ADK: variants seen among roughly 807,000 people sequenced by gnomAD.
The protein encoded by ADK is adenosine kinase.
A neutral mutation model predicts 44.7 loss-of-function variants in ADK; 24 were observed. That is an observed-to-expected ratio of 0.54 (90% CI 0.39 to 0.76). ADK has a LOEUF of 0.76. ADK is among the 30% of genes least tolerant of loss of function. The pLI is 0.00. For synonymous variants in ADK, 128 were observed against 142.6 expected, an observed-to-expected ratio of 0.90 and a Z score of 0.73; for missense variants, 321 against 425.1, an observed-to-expected ratio of 0.76 and a Z score of 2.15.
intron 8 of ADK, among the ~76,000 whole-genome samples, chr10:74,598,441 CTTTTTTTTTTTTTTT>C (rs915433699): frequency 1.8e-5 from 2 of 111,786 alleles, no homozygotes; most frequent in African/African-American, 3.7e-5. Context: ...AATCTTATTC[CTTTTTTTTTTTTTTT>C]TTTTTTTTTT....
chr10:74,225,108 A>G (rs2132246612), intron 3 of ADK, among the ~76,000 whole-genome samples: 1 of 152,300 alleles, frequency 6.6e-6, no homozygotes, highest in East Asian at 1.9e-4. Context: ...TTTTTGAAAC[A>G]GAGTCTTGTT....
chr10:74,315,209 C>T (rs913960835), intron 4 of ADK, among the ~76,000 whole-genome samples: 1 of 151,998 alleles, frequency 6.6e-6, no homozygotes, highest in Admixed American at 6.5e-5. Context: ...GTCCCCCTTA[C>T]GAAGGACGTT....
In ADK at chr10:74,525,393, G is replaced by A; in HGVS notation, c.693G>A (p.Met231Ile). 2 of 1,613,298 alleles carry A rather than the reference G, an allele frequency of 1.2e-6. No individual in the cohort carries two copies. The highest frequency in any genetic ancestry group is 1.1e-5 in the South Asian group (1 of 91,070). ...QFYKESLMKV[M>I]PYVDILFGNE... Reference sequence around the variant, plus strand: ...ACAAGGAATCATTGATGAAAGTTATGCCTTATGTTGATATACTTTTTGGAA... The same window carrying A: ...ACAAGGAATCATTGATGAAAGTTATACCTTATGTTGATATACTTTTTGGAA... The change falls in exon 7 of 11, where the codon ATG (methionine) becomes ATA (isoleucine). Residue 231 changes from methionine to isoleucine, a missense_variant. Physicochemically the swap from Met to Ile is conservative, Grantham distance 10 (BLOSUM62 1). Transcript: ENST00000539909.
intron 10 of ADK, among the ~76,000 whole-genome samples, chr10:74,681,630 G>A (rs570264835): frequency 7.5e-6 from 1 of 132,760 alleles, no homozygotes; most frequent in African/African-American, 2.8e-5. Flanking sequence ...CAAATCACTT[G>A]AGGTCAGGAG....
At chr10:74,548,860 T>C (rs1247712359) in intron 7 of ADK, among the ~76,000 whole-genome samples, 1 of 152,194 alleles carries the variant, frequency 6.6e-6, no homozygotes. Context: ...GGGACAAAGA[T>C]TACCTGTTGT....
intron 3 of ADK, among the ~76,000 whole-genome samples, chr10:74,227,502 C>A (rs112287450): frequency 0.032 from 4,856 of 152,060 alleles, 277 homozygotes; most frequent in African/African-American, 0.11. Context: ...TTGAGGCCAG[C>A]AGTACAAGAC....
intron 6 of ADK, among the ~76,000 whole-genome samples, chr10:74,451,734 G>A (rs1433808730): frequency 6.6e-6 from 1 of 151,930 alleles, no homozygotes; most frequent in Non-Finnish European, 1.5e-5. Context: ...GGCATAAATG[G>A]ATGTAATTCA....
At chr10:74,603,582 G>A (rs906115979) in intron 9 of ADK, among the ~76,000 whole-genome samples, 7 of 152,114 alleles carry the variant, frequency 4.6e-5, no homozygotes, top group South Asian at 2.1e-4. Flanking sequence ...TGCAAAGGAC[G>A]TGAATTCATC....
chr10:74,576,014 G>A (rs1401721351), intron 7 of ADK, among the ~76,000 whole-genome samples: 1 of 152,074 alleles, frequency 6.6e-6, no homozygotes, highest in Admixed American at 6.5e-5. Flanking sequence ...AAAGGACACA[G>A]AAAGTGAGGC....
chr10:74,693,600 A>ATT (rs386371839), intron 10 of ADK, among the ~76,000 whole-genome samples: 2 of 151,670 alleles, frequency 1.3e-5, no homozygotes, highest in African/African-American at 4.8e-5. Context: ...TGAGGGAAGT[A>ATT]TTAGTCCTTG....
intron 3 of ADK, among the ~76,000 whole-genome samples, chr10:74,274,732 G>GTGTATATATATA (rs1554836801): frequency 0.017 from 1,452 of 84,176 alleles, 81 homozygotes; most frequent in African/African-American, 0.047. Flanking sequence ...TTTAATGTGT[G>GTGTATATATATA]TATATATATA....
At chr10:74,267,735 T>C (rs1021884365) in intron 3 of ADK, among the ~76,000 whole-genome samples, 1 of 146,350 alleles carries the variant, frequency 6.8e-6, no homozygotes, top group African/African-American at 2.5e-5. Flanking sequence ...TGCCATCAGC[T>C]ATTGGCTTAT....
chr10:74,449,000 C>T (rs1845681202), intron 6 of ADK, among the ~76,000 whole-genome samples: 1 of 152,010 alleles, frequency 6.6e-6, no homozygotes, highest in South Asian at 2.1e-4. Flanking sequence ...CAGAAACAGA[C>T]CCATTAGGGA....
chr10:74,526,072 A>G (rs1849027537), intron 7 of ADK, among the ~76,000 whole-genome samples: 1 of 152,162 alleles, frequency 6.6e-6, no homozygotes, highest in South Asian at 2.1e-4. Context: ...CTATGACCAC[A>G]ATCAGGATAA....
intron 6 of ADK, among the ~76,000 whole-genome samples, chr10:74,479,292 G>C (rs1846976953): frequency 6.6e-6 from 1 of 151,956 alleles, no homozygotes; most frequent in Non-Finnish European, 1.5e-5. Context: ...ATCGTGCCCA[G>C]CCTCACATAT....
At chr10:74,420,918 CA>C (rs1237676446) in intron 6 of ADK, among the ~76,000 whole-genome samples, 10 of 152,066 alleles carry the variant, frequency 6.6e-5, no homozygotes, top group Non-Finnish European at 1.5e-4. Context: ...AAAGGGGATA[CA>C]AAAGGCAATT....
At chr10:74,637,815 A>G (rs1434031197) in intron 9 of ADK, among the ~76,000 whole-genome samples, 1 of 152,246 alleles carries the variant, frequency 6.6e-6, no homozygotes, top group Non-Finnish European at 1.5e-5. Context: ...GATAGAGGGC[A>G]GGAAGGGGTG....
intron 6 of ADK, among the ~76,000 whole-genome samples, chr10:74,428,072 C>T (rs968005347): frequency 2.0e-5 from 3 of 152,052 alleles, no homozygotes; most frequent in Admixed American, 6.6e-5. Flanking sequence ...CAATTCCTGC[C>T]TTCATTGTCA....
At position 74,430,953 on chromosome 10, in the gene ADK, T is replaced by C. The variant is rs895967642; in HGVS notation, c.555+32374T>C. Among the ~76,000 whole-genome samples, 11 of 150,972 alleles carry C rather than the reference T, an allele frequency of 7.3e-5. No individual in the cohort carries two copies. In the East Asian group the frequency reaches 9.8e-4, roughly 13 times the overall value. On this transcript the variant is annotated intron_variant, in intron 6 of 10. Coordinates refer to ENST00000539909, the MANE Select transcript of ADK (RefSeq NM_006721.4). ...CTGCTATATAGAAAATAGATGGTGG[T>C]TGGGCAAGTGTTGAAGCATGGGGAA...
Sources: allele counts gnomAD v4.1 joint callset (sites outside exome capture counted in the v4.1 genomes callset), GRCh38; gene constraint gnomAD v4.1.1; transcripts MANE v1.5; gene names NCBI Gene and HGNC (gene_info 2026-07-23, HGNC 2026-07-21).